The following SETD4 variants were observed in gnomAD, a reference collection of about 807,000 sequenced individuals.
SETD4 encodes SET domain containing 4.
In SETD4, 46 loss-of-function variants were observed where a neutral mutation model predicts 58.3. The observed-to-expected ratio is 0.79, with a 90% CI of 0.62 to 1.01. SETD4 has a LOEUF of 1.01. SETD4 is among the 50% of genes least tolerant of loss of function. The pLI, the probability that SETD4 is intolerant of heterozygous loss-of-function variation, is 0.00. For synonymous variants in SETD4, 190 were observed against 202.6 expected (o/e 0.94, Z 0.53); for missense variants, 490 against 523.3 (o/e 0.94, Z 0.62).
At chr21:36,040,724 G>T in intron 8 of SETD4, 69 bp from the exon 9 acceptor site, 1 of 1,382,890 alleles carries the variant, frequency 7.2e-7, no homozygotes, top group South Asian at 1.2e-5. Flanking sequence ...GCAAATGACT[G>T]AAGAGCCAAA....
At position 36,051,567 on chromosome 21, in the gene SETD4, A is replaced by G. The variant is rs2064688893; in HGVS notation, c.207+2016T>C. Among the ~76,000 whole-genome samples the G allele has an allele frequency of 2.6e-5, 4 of 152,220 alleles. No homozygotes were observed. The South Asian group carries it at 8.3e-4, about 32-fold the overall frequency. The stretch of plus-strand genomic sequence containing the variant: ...AGTAAGATGTTACTTTCATTTACAA[A>G]TCCTACAGAGAGGCAGAATAGGTGG... On this transcript the variant is annotated intron_variant, in intron 4 of 11. Coordinates refer to ENST00000332131, the MANE Select transcript of SETD4 (RefSeq NM_017438.5).
intron 7 of SETD4, 146 bp downstream of exon 7, chr21:36,043,636 G>C (rs754800696): frequency 2.8e-6 from 4 of 1,433,772 alleles, no homozygotes; most frequent in Non-Finnish European, 3.6e-6. Flanking sequence ...GCCAGTAAGA[G>C]TAAGGCTAGG....
chr21:36,038,233 C>G lies in SETD4; in HGVS notation c.1105G>C (p.Asp369His), dbSNP rs1173831457. ...KKVLLGEVISDTNEKTSLDIA... is the reference protein window; with the variant it reads ...KKVLLGEVISHTNEKTSLDIA... The stretch of plus-strand genomic sequence containing the variant: ...TCCAAACTTGTCTTCTCATTCGTAT[C>G]TGAAATTACCTCCCCAAGAAGTACT... Residue 369 changes from aspartate (D) to histidine (H), a missense_variant, in exon 10 of 12, where the codon GAT (aspartate) becomes CAT (histidine). Coordinates refer to ENST00000332131, the MANE Select transcript of SETD4 (RefSeq NM_017438.5). 2 of 1,614,090 alleles carry G rather than the reference C, an allele frequency of 1.2e-6. No individual in the cohort carries two copies. Among genetic ancestry groups the G allele is most frequent in the East Asian group, 4.5e-5 (2 of 44,882 alleles).
chr21:36,053,511 A>G, intron 4 of SETD4, 72 bp downstream of exon 4: 4 of 1,495,560 alleles, frequency 2.7e-6, no homozygotes, highest in Non-Finnish European at 3.7e-6. Flanking sequence ...TTTTTAATTC[A>G]CTTCGTTTGA....
rs181154054 is a variant in SETD4, at chr21:36,058,415, G to A, written c.73+401C>T. On this transcript the variant is annotated intron_variant, in intron 2 of 11. Transcript: ENST00000332131. ...ACTTGGGAGGCTGAGGCAGGAGGGAGGCTAAGGGAGGAGATCACTTGAGCC... is the reference window on the plus strand; with the variant it reads ...ACTTGGGAGGCTGAGGCAGGAGGGAAGCTAAGGGAGGAGATCACTTGAGCC... 5.8e-3 allele frequency among the ~76,000 whole-genome samples: 878 copies of A among 151,396 alleles called. 6 individuals are homozygous for A. The highest frequency in any genetic ancestry group is 0.02 in the African/African-American group (822 of 41,236).
In SETD4 at chr21:36,060,414, A is replaced by C. The variant is rs1568948964; in HGVS notation, c.-104T>G. 1 of 152,462 alleles carries C rather than the reference A, an allele frequency of 6.6e-6. No homozygotes were observed. The highest frequency in any genetic ancestry group is 1.5e-5 in the Non-Finnish European group (1 of 68,260). The allele number at this position is 152,462 out of a possible 1,614,324, so 9.4% of individuals were successfully genotyped here. ...CGGGCCCAAGGCACGTGGAAATACC[A>C]AACAGCCCCAGATGAAGGCAAGTTA... On this transcript the variant is annotated 5_prime_UTR_variant, in exon 1 of 12. Transcript: ENST00000332131.
chr21:36,048,056 A>AGAGGGAGG (rs1162900771), intron 5 of SETD4, among the ~76,000 whole-genome samples: 4,443 of 104,512 alleles, frequency 0.043, 115 homozygotes, highest in Non-Finnish European at 0.055. Flanking sequence ...AGGAAGGAAG[A>AGAGGGAGG]GAGGGAGGGA....
chr21:36,058,936 A>C lies in SETD4; in HGVS notation c.-36-12T>G. On this transcript the variant is annotated splice_polypyrimidine_tract_variant and intron_variant, in intron 1 of 11. Transcript: ENST00000332131. ...TCTGAAATACAGTTCTATTTTTTCA[A>C]AAAGGACAAAACTGTAATTTCTGTG... 6.5e-7 allele frequency: 1 copy of C among 1,540,874 alleles called. No individual in the cohort carries two copies. Among genetic ancestry groups the C allele is most frequent in the South Asian group, 1.3e-5 (1 of 78,824 alleles).
In SETD4 at chr21:36,060,502, A is replaced by C. The variant is rs2065239169; in HGVS notation, c.-192T>G. On this transcript the variant is annotated 5_prime_UTR_variant, in exon 1 of 12. Coordinates refer to ENST00000332131, the MANE Select transcript of SETD4 (RefSeq NM_017438.5). Reference sequence around the variant, plus strand: ...GCTGTCGCGCCTGCCTGGTGTCCTTAAGCAATCCAAGTCCTCAGTCTCCCG... The same window carrying C: ...GCTGTCGCGCCTGCCTGGTGTCCTTCAGCAATCCAAGTCCTCAGTCTCCCG... The C allele has an allele frequency of 6.6e-6, 1 of 152,460 alleles. No individual in the cohort carries two copies. The highest frequency in any genetic ancestry group is 2.4e-5 in the African/African-American group (1 of 41,478). The allele number at this position is 152,460 out of a possible 1,614,324, so 9.4% of individuals were successfully genotyped here.
At chr21:36,037,822 C>G (rs185521007) in intron 10 of SETD4, among the ~76,000 whole-genome samples, 2 of 151,596 alleles carry the variant, frequency 1.3e-5, no homozygotes, top group Admixed American at 6.6e-5. Context: ...ATGGTGAAAC[C>G]CCGTCTTTAC....
chr21:36,053,551 T>A (rs200711955), intron 4 of SETD4, 32 bp downstream of exon 4: 6 of 1,612,564 alleles, frequency 3.7e-6, no homozygotes, highest in Non-Finnish European at 5.1e-6. Flanking sequence ...AAAATCTACA[T>A]TGGGTTTCAA....
intron 1 of SETD4, 102 bp from the exon 2 acceptor site, chr21:36,059,026 G>C: frequency 7.6e-7 from 1 of 1,308,164 alleles, no homozygotes; most frequent in Non-Finnish European, 1.0e-6. Context: ...GATAATCACT[G>C]TTCTTTGTAC....
intron 4 of SETD4, among the ~76,000 whole-genome samples, chr21:36,051,597 T>G (rs962660688): frequency 7.2e-5 from 11 of 152,176 alleles, no homozygotes; most frequent in African/African-American, 2.7e-4. Context: ...AGGTGGGGTA[T>G]AGAAAAATGT....
At position 36,058,822 on chromosome 21, in the gene SETD4, T is replaced by C; in HGVS notation, c.67A>G (p.Arg23Gly). The C allele has an allele frequency of 6.2e-7, 1 of 1,600,622 alleles. No individual in the cohort carries two copies. Among genetic ancestry groups the C allele is most frequent in the Non-Finnish European group, 8.5e-7 (1 of 1,175,630 alleles). Residue 23 changes from arginine to glycine, a missense_variant, in exon 2 of 12, where the codon AGA becomes GGA. Arg to Gly is a moderately radical substitution (Grantham distance 125). Transcript: ENST00000332131. ...ACTAAAAGAAAAACCATACCTCCTC[T>C]TGATTCAGAACTTCCGCAGAGTTTT... ...RRKLCGSSES[R>G]GVNESHKSEF...
At chr21:36,049,615 T>C (rs954880922) in intron 4 of SETD4, among the ~76,000 whole-genome samples, 1 of 152,192 alleles carries the variant, frequency 6.6e-6, no homozygotes, top group Non-Finnish European at 1.5e-5. Context: ...GGTTTCCTCA[T>C]CTGTAAAGCA....
rs1483665283 is a variant in SETD4, at chr21:36,035,032, T to A, written c.*961A>T. ...TTCATTTGGTTTCACTAGGCTCCAATGAGAAAGGAATTTGAGTTCTTGGGA... is the reference window on the plus strand; with the variant it reads ...TTCATTTGGTTTCACTAGGCTCCAAAGAGAAAGGAATTTGAGTTCTTGGGA... On this transcript the variant is annotated 3_prime_UTR_variant, in exon 12 of 12. Transcript: ENST00000332131. The A allele has an allele frequency of 6.6e-6, 1 of 152,096 alleles. No homozygotes were observed. Among genetic ancestry groups the A allele is most frequent in the Non-Finnish European group, 1.5e-5 (1 of 68,006 alleles). 9.4% of individuals were successfully genotyped at this position (152,096 alleles called of 1,614,324 possible).
chr21:36,054,453 A>G (rs529605984), intron 3 of SETD4, among the ~76,000 whole-genome samples: 1 of 152,260 alleles, frequency 6.6e-6, no homozygotes, highest in Non-Finnish European at 1.5e-5. Context: ...ATCGTTCTTC[A>G]CCTTTCCTCT....
chr21:36,044,033 T>A, intron 6 of SETD4, 77 bp from the exon 7 acceptor site: 1 of 1,485,458 alleles, frequency 6.7e-7, no homozygotes, highest in Non-Finnish European at 9.1e-7. Context: ...TTACATAATA[T>A]TAATGTGAGT....
At chr21:36,053,924 CCA>C (rs2064850590) in intron 3 of SETD4, among the ~76,000 whole-genome samples, 2 of 152,348 alleles carry the variant, frequency 1.3e-5, no homozygotes, top group Admixed American at 1.3e-4. Flanking sequence ...TGGACTCTCT[CCA>C]CTGGGGCCTA....
Sources: allele counts gnomAD v4.1 joint callset (sites outside exome capture counted in the v4.1 genomes callset), GRCh38; gene constraint gnomAD v4.1.1; transcripts MANE v1.5; gene names NCBI Gene and HGNC (gene_info 2026-07-23, HGNC 2026-07-21).